TENM3: variants seen among roughly 807,000 people sequenced by gnomAD.
TENM3 encodes the protein teneurin transmembrane protein 3.
A neutral mutation model predicts 255.1 loss-of-function variants in TENM3; 63 were observed. That is an observed-to-expected ratio of 0.25 (90% CI 0.20 to 0.30). The LOEUF (loss-of-function observed/expected upper bound fraction) is 0.30, where lower values mean the gene tolerates loss of function less well. Ranked by LOEUF, TENM3 falls within the 10% of genes least tolerant of loss-of-function variation. The pLI is 1.00. For missense variants in TENM3, 2,929 were observed against 3,461.1 expected (o/e 0.85, Z 3.86); for synonymous variants, 1,306 against 1,322.3 (o/e 0.99, Z 0.27).
chr4:182,360,102 G>C (rs558581878), intron 3 of TENM3, among the ~76,000 whole-genome samples: 31 of 149,784 alleles, frequency 2.1e-4, no homozygotes, highest in Non-Finnish European at 2.1e-4. Context: ...GTTATAATTT[G>C]TGTTCTTTTA....
At chr4:182,135,632 C>T in the TENM3 span, among the ~76,000 whole-genome samples, 1 of 152,226 alleles carries the variant, frequency 6.6e-6, no homozygotes, top group Non-Finnish European at 1.5e-5. Flanking sequence ...GTGTAACGGT[C>T]CATGACAGGC....
the TENM3 span, among the ~76,000 whole-genome samples, chr4:181,934,080 G>GCA: frequency 3.3e-5 from 5 of 151,764 alleles, no homozygotes; most frequent in South Asian, 6.3e-4. Flanking sequence ...GTGTGTGCGC[G>GCA]CGCTTTTAAA....
At chr4:182,292,508 T>C (rs982987182) in intron 1 of TENM3, among the ~76,000 whole-genome samples, 7 of 152,208 alleles carry the variant, frequency 4.6e-5, no homozygotes, top group African/African-American at 1.7e-4. Flanking sequence ...GTGACTGCTA[T>C]CTATATTGTT....
At chr4:181,566,235 G>A in the TENM3 span, among the ~76,000 whole-genome samples, 1 of 152,158 alleles carries the variant, frequency 6.6e-6, no homozygotes, top group East Asian at 1.9e-4. Flanking sequence ...TGTTGATCAG[G>A]AAATTGTTGC....
the TENM3 span, among the ~76,000 whole-genome samples, chr4:181,918,714 A>G: frequency 1.9e-4 from 29 of 152,194 alleles, no homozygotes; most frequent in African/African-American, 6.3e-4. Context: ...TTAAAAAAAA[A>G]GAAGTTTAAT....
the TENM3 span, among the ~76,000 whole-genome samples, chr4:181,706,700 C>T: frequency 1.9e-4 from 29 of 152,276 alleles, no homozygotes; most frequent in African/African-American, 6.0e-4. Flanking sequence ...GACCTCACTG[C>T]GCTGTGAGAA....
At chr4:181,854,255 C>G in the TENM3 span, among the ~76,000 whole-genome samples, 1 of 152,160 alleles carries the variant, frequency 6.6e-6, no homozygotes, top group African/African-American at 2.4e-5. Context: ...TGGTATAGTA[C>G]AGCTCTTGGT....
At chr4:181,467,879 T>G in the TENM3 span, among the ~76,000 whole-genome samples, 106,710 of 151,976 alleles carry the variant, frequency 0.7, 37,821 homozygotes, top group Non-Finnish European at 0.74. Flanking sequence ...TACTTTCATC[T>G]GGATTGACCC....
At position 182,669,506 on chromosome 4, in the gene TENM3, G is replaced by A. The variant is rs976603975; in HGVS notation, c.1112-3499G>A. Among the ~76,000 whole-genome samples the A allele has an allele frequency of 5.9e-5, 9 of 152,094 alleles. No homozygotes were observed. The South Asian group carries it at 1.7e-3, about 28-fold the overall frequency. On this transcript the variant is annotated intron_variant, in intron 6 of 27. Coordinates refer to ENST00000511685, the MANE Select transcript of TENM3 (RefSeq NM_001080477.4). ...AGGATGGTCTCAATCTCCTGACCTC[G>A]TGATCCGCCCTCCTCAGCCTCCCAA...
chr4:181,740,775 A>C, the TENM3 span, among the ~76,000 whole-genome samples: 1 of 152,180 alleles, frequency 6.6e-6, no homozygotes, highest in Admixed American at 6.5e-5. Context: ...AACTAGTAAC[A>C]AAAATGAAAG....
chr4:181,782,207 C>G, the TENM3 span, among the ~76,000 whole-genome samples: 1 of 152,156 alleles, frequency 6.6e-6, no homozygotes, highest in South Asian at 2.1e-4. Context: ...AGCAGTTCCT[C>G]CTCGTACCTC....
rs58028005 is a variant in TENM3 at position 182,297,546 on chromosome 4, A to G, written c.-75-26400A>G. Among the ~76,000 whole-genome samples the G allele has an allele frequency of 2.1e-3, 320 of 152,288 alleles. 1 individual carries two copies. The highest frequency in any genetic ancestry group is 6.7e-3 in the African/African-American group (278 of 41,566). ...ATTACTTCTTGGATGGAAGACTAAAAGCGTCCCCTGATCCTCAGTGTCCCA... is the reference window on the plus strand; with the variant it reads ...ATTACTTCTTGGATGGAAGACTAAAGGCGTCCCCTGATCCTCAGTGTCCCA... On this transcript the variant is annotated intron_variant, in intron 1 of 27. Transcript: ENST00000511685.
chr4:182,577,731 C>A (rs1040056358), intron 3 of TENM3, among the ~76,000 whole-genome samples: 1 of 152,112 alleles, frequency 6.6e-6, no homozygotes, highest in African/African-American at 2.4e-5. Flanking sequence ...GCGTGAATAT[C>A]TATGGTTTTC....
At chr4:182,414,776 T>C (rs1026552245) in intron 3 of TENM3, among the ~76,000 whole-genome samples, 1 of 152,218 alleles carries the variant, frequency 6.6e-6, no homozygotes, top group South Asian at 2.1e-4. Flanking sequence ...GTTTAAATAA[T>C]ATATGAAATA....
chr4:181,745,729 T>G, the TENM3 span, among the ~76,000 whole-genome samples: 1 of 152,114 alleles, frequency 6.6e-6, no homozygotes, highest in Non-Finnish European at 1.5e-5. Flanking sequence ...GGCTGAGGAT[T>G]GTGGAGAAGC....
chr4:182,452,408 A>G (rs1185070457), intron 3 of TENM3, among the ~76,000 whole-genome samples: 1 of 152,176 alleles, frequency 6.6e-6, no homozygotes, highest in East Asian at 1.9e-4. Flanking sequence ...GTTGTGGCCA[A>G]ATGGTTAGAT....
intron 27 of TENM3, among the ~76,000 whole-genome samples, chr4:182,798,919 T>A (rs976368052): frequency 6.6e-6 from 1 of 152,072 alleles, no homozygotes; most frequent in African/African-American, 2.4e-5. Context: ...ATGGCTGAGT[T>A]AAGATGCCCC....
At chr4:182,033,298 T>G in the TENM3 span, among the ~76,000 whole-genome samples, 1 of 152,188 alleles carries the variant, frequency 6.6e-6, no homozygotes, top group African/African-American at 2.4e-5. Flanking sequence ...ATTTTGCTAT[T>G]TACCCAGGAG....
the TENM3 span, among the ~76,000 whole-genome samples, chr4:181,737,519 C>A: frequency 6.6e-6 from 1 of 151,968 alleles, no homozygotes; most frequent in Non-Finnish European, 1.5e-5. Context: ...GATCACAAGA[C>A]CATATGTAAC....
Sources: allele counts gnomAD v4.1 joint callset (sites outside exome capture counted in the v4.1 genomes callset), GRCh38; gene constraint gnomAD v4.1.1; transcripts MANE v1.5; gene names NCBI Gene and HGNC (gene_info 2026-07-23, HGNC 2026-07-21).